The following SLC9A9 variants were observed in gnomAD, a reference collection of about 807,000 sequenced individuals.
The protein encoded by SLC9A9 is sodium/hydrogen exchanger 9.
Under a neutral mutation model 77.8 loss-of-function variants are expected in SLC9A9, and 62 were observed. The ratio of observed to expected loss-of-function variants is 0.80; its 90% confidence interval spans 0.65 to 0.98. SLC9A9 has a LOEUF of 0.98. SLC9A9 is among the 50% of genes least tolerant of loss of function. The pLI is 0.00. For synonymous variants in SLC9A9, 320 were observed against 283.5 expected (o/e 1.13, Z -1.29); for missense variants, 775 against 774.9 (o/e 1.00, Z 0.00).
At chr3:143,447,597 C>T (rs1233461174) in intron 12 of SLC9A9, among the ~76,000 whole-genome samples, 1 of 152,048 alleles carries the variant, frequency 6.6e-6, no homozygotes, top group African/African-American at 2.4e-5. Flanking sequence ...ATTTCAAGGC[C>T]CAGAAAAGGC....
chr3:143,764,201 G>T lies in SLC9A9; in HGVS notation c.533+30800C>A, dbSNP rs1341663707. Among the ~76,000 whole-genome samples the T allele has an allele frequency of 2.0e-5, 3 of 152,118 alleles. No individual in the cohort carries two copies. The East Asian group carries it at 5.8e-4, about 29-fold the overall frequency. The stretch of plus-strand genomic sequence containing the variant: ...GAGTCTGATGGAGAAAGTTGTTGAG[G>T]TATATAACATACAATGTGAGCTCTC... On this transcript the variant is annotated intron_variant, in intron 4 of 15. Coordinates refer to ENST00000316549, the MANE Select transcript of SLC9A9 (RefSeq NM_173653.4).
At chr3:143,503,802 C>T (rs1293375711) in intron 9 of SLC9A9, 2 of 338,444 alleles carry the variant, frequency 5.9e-6, no homozygotes, top group East Asian at 8.5e-5. Flanking sequence ...GGCTGGGAGG[C>T]TAAGCAGTTG....
rs143306708 is a variant in SLC9A9 at position 143,595,770 on chromosome 3, C to T, written c.756-17047G>A. Among the ~76,000 whole-genome samples the T allele has an allele frequency of 2.0e-3, 312 of 152,274 alleles. 2 individuals are homozygous for T. The highest frequency in any genetic ancestry group is 6.8e-3 in the African/African-American group (282 of 41,550). On this transcript the variant is annotated intron_variant, in intron 6 of 15. Coordinates refer to ENST00000316549, the MANE Select transcript of SLC9A9 (RefSeq NM_173653.4). The stretch of plus-strand genomic sequence containing the variant: ...CAATAAAACAGCAATGAAGATTTCT[C>T]TGGGAAGACTCCTTCAAGTGGTGTT...
At chr3:143,608,718 T>C (rs1205076308) in intron 6 of SLC9A9, among the ~76,000 whole-genome samples, 1 of 152,136 alleles carries the variant, frequency 6.6e-6, no homozygotes, top group Non-Finnish European at 1.5e-5. Flanking sequence ...TGCTTATGGG[T>C]ACAGACAGAC....
intron 9 of SLC9A9, among the ~76,000 whole-genome samples, chr3:143,539,796 T>C (rs893861439): frequency 6.6e-6 from 1 of 152,176 alleles, no homozygotes; most frequent in African/African-American, 2.4e-5. Flanking sequence ...ATCAGATCCA[T>C]ACATAGAAGG....
At chr3:143,444,715 ATCT>A (rs1156801228) in intron 12 of SLC9A9, among the ~76,000 whole-genome samples, 1 of 152,146 alleles carries the variant, frequency 6.6e-6, no homozygotes, top group Non-Finnish European at 1.5e-5. Flanking sequence ...TGAAGGGGCA[ATCT>A]TCTTATTTTC....
At chr3:143,525,114 G>A (rs571617737) in intron 9 of SLC9A9, among the ~76,000 whole-genome samples, 163 of 152,220 alleles carry the variant, frequency 1.1e-3, no homozygotes, top group African/African-American at 3.7e-3. Context: ...AAGAAATAGC[G>A]AGCCTAGGCA....
At chr3:143,818,382 C>T (rs1334776713) in intron 2 of SLC9A9, among the ~76,000 whole-genome samples, 3 of 152,162 alleles carry the variant, frequency 2.0e-5, no homozygotes, top group South Asian at 2.1e-4. Context: ...TCTCAGCTCA[C>T]TGCAGCCTCC....
intron 6 of SLC9A9, among the ~76,000 whole-genome samples, chr3:143,632,547 T>A (rs995575287): frequency 6.6e-6 from 1 of 152,118 alleles, no homozygotes; most frequent in Non-Finnish European, 1.5e-5. Flanking sequence ...ACCCAACTGA[T>A]CCCCAAAATT....
At chr3:143,597,132 T>C (rs943641623) in intron 6 of SLC9A9, among the ~76,000 whole-genome samples, 28 of 152,198 alleles carry the variant, frequency 1.8e-4, no homozygotes, top group African/African-American at 6.5e-4. Context: ...GAGGCGGATA[T>C]CCAGGCGAGT....
intron 4 of SLC9A9, among the ~76,000 whole-genome samples, chr3:143,704,995 A>ATATC (rs61441328): frequency 0.18 from 20,320 of 115,728 alleles, 1,564 homozygotes; most frequent in Middle Eastern, 0.25. Context: ...TCCATCTCAA[A>ATATC]TATCTATCTA....
At chr3:143,795,296 A>AC (rs1438605285) in intron 3 of SLC9A9, among the ~76,000 whole-genome samples, 5 of 150,932 alleles carry the variant, frequency 3.3e-5, no homozygotes, top group Non-Finnish European at 7.4e-5. Context: ...AAAAAAAAAA[A>AC]AAAACCCACT....
At chr3:143,326,118 G>A (rs1459608864) in intron 14 of SLC9A9, among the ~76,000 whole-genome samples, 1 of 152,096 alleles carries the variant, frequency 6.6e-6, no homozygotes, top group Non-Finnish European at 1.5e-5. Flanking sequence ...AAAAATCTTG[G>A]ATGTGCAGTA....
intron 1 of SLC9A9, among the ~76,000 whole-genome samples, chr3:143,844,363 G>A (rs2009777543): frequency 2.0e-5 from 3 of 151,966 alleles, no homozygotes; most frequent in Non-Finnish European, 2.9e-5. Flanking sequence ...AACATCTATC[G>A]AGTCTTCTAA....
rs1369764944 is a variant in SLC9A9, at chr3:143,800,146, A to G, written c.379-3243T>C. On this transcript the variant is annotated intron_variant, in intron 2 of 15. Coordinates refer to ENST00000316549, the MANE Select transcript of SLC9A9 (RefSeq NM_173653.4). ...TTCCCCAGTTCAAAGTCTCCTTCGC[A>G]TCTTCCCCTTGTATCTTCCTACCTT... is the stretch of plus-strand genomic sequence containing the variant. 2.6e-5 allele frequency among the ~76,000 whole-genome samples: 4 copies of G among 152,032 alleles called. No homozygotes were observed. The East Asian group carries it at 7.7e-4, about 29-fold the overall frequency.
intron 6 of SLC9A9, among the ~76,000 whole-genome samples, chr3:143,632,492 C>T (rs959499174): frequency 6.6e-6 from 1 of 152,126 alleles, no homozygotes; most frequent in African/African-American, 2.4e-5. Flanking sequence ...CCTACTGACC[C>T]CGTCACTTCT....
chr3:143,632,670 A>C (rs1347491007), intron 6 of SLC9A9, among the ~76,000 whole-genome samples: 2 of 152,238 alleles, frequency 1.3e-5, no homozygotes, highest in Non-Finnish European at 1.5e-5. Flanking sequence ...CATGGTTAGT[A>C]ATTTGGAACT....
At chr3:143,688,112 TTCTCTC>T (rs946925084) in intron 5 of SLC9A9, among the ~76,000 whole-genome samples, 1 of 151,036 alleles carries the variant, frequency 6.6e-6, no homozygotes, top group African/African-American at 2.4e-5. Flanking sequence ...CCTTTCTTTC[TTCTCTC>T]TCTCTCTCTT....
At chr3:143,451,535 T>C (rs550918438) in intron 12 of SLC9A9, among the ~76,000 whole-genome samples, 2 of 152,132 alleles carry the variant, frequency 1.3e-5, no homozygotes, top group African/African-American at 2.4e-5. Flanking sequence ...TAAGGCTTTA[T>C]GTTTTAAAAG....
Sources: allele counts gnomAD v4.1 joint callset (sites outside exome capture counted in the v4.1 genomes callset), GRCh38; gene constraint gnomAD v4.1.1; transcripts MANE v1.5; gene names NCBI Gene and HGNC (gene_info 2026-07-23, HGNC 2026-07-21).